The following KATNIP variants were observed in gnomAD, a reference collection of about 807,000 sequenced individuals.
KATNIP encodes the protein katanin-interacting protein.
A neutral mutation model predicts 174.0 loss-of-function variants in KATNIP; 126 were observed. The ratio of observed to expected loss-of-function variants is 0.72; its 90% confidence interval spans 0.63 to 0.84. KATNIP has a LOEUF of 0.84. Among genes scored for constraint, KATNIP ranks in the 40% least tolerant of loss-of-function variants. The probability of loss-of-function intolerance (pLI) is 0.00; values close to 1 mark genes in which losing one functional copy is unlikely to be tolerated. For synonymous variants in KATNIP, 810 were observed against 835.7 expected (o/e 0.97, Z 0.53); for missense variants, 1,958 against 2,109.7 (o/e 0.93, Z 1.41).
intron 8 of KATNIP, among the ~76,000 whole-genome samples, chr16:27,683,015 C>A (rs1407363124): frequency 2.6e-5 from 4 of 152,192 alleles, no homozygotes; most frequent in Non-Finnish European, 5.9e-5. Flanking sequence ...TTGGACTTCT[C>A]AGCTTCTATA....
intron 6 of KATNIP, among the ~76,000 whole-genome samples, chr16:27,666,176 C>G (rs1170531947): frequency 1.3e-5 from 2 of 152,168 alleles, no homozygotes; most frequent in African/African-American, 2.4e-5. Context: ...TTCTATCACT[C>G]TCTTCCCTAG....
chr16:27,715,067 A>G (rs982573980), intron 13 of KATNIP, among the ~76,000 whole-genome samples: 6 of 152,252 alleles, frequency 3.9e-5, no homozygotes, highest in Admixed American at 1.3e-4. Context: ...AGTAATAAAG[A>G]CTGCATGGTA....
chr16:27,592,917 TA>T (rs1567470819), intron 2 of KATNIP, among the ~76,000 whole-genome samples: 1 of 152,130 alleles, frequency 6.6e-6, no homozygotes, highest in Non-Finnish European at 1.5e-5. Context: ...AGGACGTGGT[TA>T]AAAAAATAAA....
intron 1 of KATNIP, among the ~76,000 whole-genome samples, chr16:27,551,817 C>T (rs2089385058): frequency 6.6e-6 from 1 of 152,182 alleles, no homozygotes; most frequent in African/African-American, 2.4e-5. Flanking sequence ...CTTGCCACTG[C>T]ACTCCAGCCT....
At chr16:27,757,410 A>T (rs984693632) in intron 18 of KATNIP, 2 of 768,142 alleles carry the variant, frequency 2.6e-6, no homozygotes, top group African/African-American at 3.8e-5. Flanking sequence ...AGAGCGGGTC[A>T]GAGTGTGGTC....
chr16:27,613,627 G>C (rs1015797580), intron 2 of KATNIP, among the ~76,000 whole-genome samples: 6 of 152,178 alleles, frequency 3.9e-5, no homozygotes, highest in African/African-American at 1.4e-4. Flanking sequence ...GGGTTTCCTT[G>C]TGTCTTAAAT....
In KATNIP at chr16:27,648,292, C is replaced by CAA. The variant is rs74809919; in HGVS notation, c.409-298_409-297dup. Among the ~76,000 whole-genome samples the CAA allele has an allele frequency of 3.8e-4, 40 of 104,134 alleles. No individual in the cohort carries two copies. In the East Asian group the frequency reaches 7.9e-3, roughly 21 times the overall value. The allele number at this position is 104,134 out of a possible 152,430, so 68.3% of individuals were successfully genotyped here. On this transcript the variant is annotated intron_variant, in intron 5 of 27. Coordinates refer to ENST00000261588, the MANE Select transcript of KATNIP (RefSeq NM_015202.5). ...TGGGCAACAGAGTGAGATCCTGACT[C>CAA]AAAAAAAAAAAAAAAGAACAGAATT...
chr16:27,714,192 T>C (rs897337049), intron 13 of KATNIP, among the ~76,000 whole-genome samples: 2 of 151,996 alleles, frequency 1.3e-5, no homozygotes, highest in Non-Finnish European at 2.9e-5. Context: ...GGAGGCCTGT[T>C]CCCTCCCACC....
intron 14 of KATNIP, among the ~76,000 whole-genome samples, chr16:27,733,767 G>A (rs1302501301): frequency 6.6e-6 from 1 of 152,110 alleles, no homozygotes; most frequent in Non-Finnish European, 1.5e-5. Flanking sequence ...CTTGAGGAGA[G>A]AAAGGATTTT....
intron 6 of KATNIP, among the ~76,000 whole-genome samples, chr16:27,652,378 G>T (rs73535035): frequency 6.6e-6 from 1 of 152,202 alleles, no homozygotes; most frequent in Admixed American, 6.5e-5. Flanking sequence ...TAAGTTTGAG[G>T]GGAAACCATC....
chr16:27,655,494 C>T (rs1401277880), intron 6 of KATNIP, among the ~76,000 whole-genome samples: 2 of 151,780 alleles, frequency 1.3e-5, no homozygotes, highest in African/African-American at 4.8e-5. Flanking sequence ...AAGTGATCCT[C>T]CTGCCTCAAC....
At chr16:27,623,616 C>T (rs1030231668) in intron 3 of KATNIP, among the ~76,000 whole-genome samples, 1 of 152,146 alleles carries the variant, frequency 6.6e-6, no homozygotes, top group Admixed American at 6.5e-5. Flanking sequence ...CGGGCCACCA[C>T]ATCCAGCTAA....
At chr16:27,719,651 G>A (rs1043089476) in intron 13 of KATNIP, among the ~76,000 whole-genome samples, 1 of 150,882 alleles carries the variant, frequency 6.6e-6, no homozygotes, top group East Asian at 2.0e-4. Flanking sequence ...AAAGTGCTGG[G>A]ATTACAGGTA....
rs370388618 is a variant in KATNIP, at chr16:27,779,105, G to A, written c.*476G>A. On this transcript the variant is annotated 3_prime_UTR_variant, in exon 28 of 28. Coordinates refer to ENST00000261588, the MANE Select transcript of KATNIP (RefSeq NM_015202.5). ...TGCCTTCAGAAACCTGAGCTTCAGCGGCCAACACCCCCCATCCCCTGCGCA... is the reference window on the plus strand; with the variant it reads ...TGCCTTCAGAAACCTGAGCTTCAGCAGCCAACACCCCCCATCCCCTGCGCA... 17 of 156,034 alleles carry A rather than the reference G, an allele frequency of 1.1e-4. No individual in the cohort carries two copies. The highest frequency in any genetic ancestry group is 3.2e-3 in the Middle Eastern group (1 of 314). The allele number at this position is 156,034 out of a possible 1,614,324, so 9.7% of individuals were successfully genotyped here.
At chr16:27,725,050 T>G (rs1163092511) in intron 14 of KATNIP, among the ~76,000 whole-genome samples, 1 of 151,194 alleles carries the variant, frequency 6.6e-6, no homozygotes, top group Admixed American at 6.6e-5. Context: ...ATGGGAGAGG[T>G]GAAGTGAGGA....
chr16:27,775,468 G>A (rs1206425451), intron 24 of KATNIP, among the ~76,000 whole-genome samples: 9 of 152,196 alleles, frequency 5.9e-5, no homozygotes, highest in African/African-American at 1.7e-4. Context: ...GCACACTCAC[G>A]GTTTCTGCCC....
chr16:27,631,195 G>A, intron 5 of KATNIP, 33 bp downstream of exon 5: 2 of 1,477,294 alleles, frequency 1.4e-6, no homozygotes, highest in Non-Finnish European at 1.9e-6. Context: ...CCACGCTTTA[G>A]AATACAGAGT....
Position 27,740,830 on chromosome 16 carries a change from C to G in KATNIP, c.2533C>G (p.Pro845Ala). ...SDDSDIFNQPPNRERPASGRR... is the reference protein window; with the variant it reads ...SDDSDIFNQPANRERPASGRR... ...TGACTCAGACATCTTTAACCAGCCC[C>G]CCAACAGAGAGCGCCCTGCTAGTGG... The change falls in exon 15 of 28, where the codon CCC becomes GCC. Residue 845 changes from proline (P) to alanine (A), a missense_variant. Pro to Ala is a conservative substitution (Grantham distance 27). Coordinates refer to ENST00000261588, the MANE Select transcript of KATNIP (RefSeq NM_015202.5). The G allele has an allele frequency of 6.2e-7, 1 of 1,613,704 alleles. No homozygotes were observed. Among genetic ancestry groups the G allele is most frequent in the Non-Finnish European group, 8.5e-7 (1 of 1,179,800 alleles).
intron 17 of KATNIP, among the ~76,000 whole-genome samples, chr16:27,753,901 G>A (rs2081612022): frequency 6.6e-6 from 1 of 151,202 alleles, no homozygotes; most frequent in African/African-American, 2.4e-5. Context: ...GTCCTTCCCT[G>A]TTGGAGGAAA....
Sources: allele counts gnomAD v4.1 joint callset (sites outside exome capture counted in the v4.1 genomes callset), GRCh38; gene constraint gnomAD v4.1.1; transcripts MANE v1.5; gene names NCBI Gene and HGNC (gene_info 2026-07-23, HGNC 2026-07-21).